Variants in PDE3A observed in about 807,000 individuals in gnomAD.
PDE3A encodes the protein cGMP-inhibited 3',5'-cyclic phosphodiesterase 3A.
In PDE3A, 43 loss-of-function variants were observed where a neutral mutation model predicts 98.3. That is an observed-to-expected ratio of 0.44 (90% confidence interval 0.34 to 0.56). The LOEUF (loss-of-function observed/expected upper bound fraction) is 0.56, where lower values mean the gene tolerates loss of function less well. Among genes scored for constraint, PDE3A ranks in the 20% least tolerant of loss-of-function variants. PDE3A has a pLI of 0.01. For synonymous variants in PDE3A, 663 were observed against 567.9 expected, an observed-to-expected ratio of 1.17 and a Z score of -2.38; for missense variants, 1,427 against 1,440.7, an observed-to-expected ratio of 0.99 and a Z score of 0.15.
intron 2 of PDE3A, among the ~76,000 whole-genome samples, chr12:20,558,540 A>G (rs1351456911): frequency 6.6e-6 from 1 of 151,896 alleles, no homozygotes; most frequent in East Asian, 1.9e-4. Flanking sequence ...AAAGTAAAAA[A>G]CAAACACAAC....
intron 3 of PDE3A, among the ~76,000 whole-genome samples, chr12:20,615,266 A>T (rs1395099827): frequency 1.3e-5 from 2 of 151,340 alleles, no homozygotes; most frequent in Non-Finnish European, 2.9e-5. Flanking sequence ...GTGATCCCAG[A>T]CTCTTGTCTC....
chr12:20,492,676 T>C (rs1470151467), intron 1 of PDE3A, among the ~76,000 whole-genome samples: 1 of 152,054 alleles, frequency 6.6e-6, no homozygotes, highest in African/African-American at 2.4e-5. Flanking sequence ...GCAGCCACTA[T>C]TGGATTACGC....
At chr12:20,512,994 T>C (rs932337881) in intron 1 of PDE3A, among the ~76,000 whole-genome samples, 8 of 152,168 alleles carry the variant, frequency 5.3e-5, no homozygotes, top group Non-Finnish European at 1.0e-4. Flanking sequence ...ATGTATTTTG[T>C]TCTTTTTGCA....
chr12:20,659,985 G>A (rs1381024582), intron 15 of PDE3A, among the ~76,000 whole-genome samples: 4 of 152,134 alleles, frequency 2.6e-5, no homozygotes, highest in Non-Finnish European at 5.9e-5. Flanking sequence ...AGGTGATATG[G>A]TTTGGCTGTG....
intron 15 of PDE3A, among the ~76,000 whole-genome samples, chr12:20,666,169 T>C (rs1219225766): frequency 6.6e-6 from 1 of 152,004 alleles, no homozygotes; most frequent in Non-Finnish European, 1.5e-5. Context: ...TTCACCATGT[T>C]GGCCAGGCTG....
intron 2 of PDE3A, among the ~76,000 whole-genome samples, chr12:20,585,274 C>A (rs1252451724): frequency 6.6e-6 from 1 of 152,158 alleles, no homozygotes; most frequent in African/African-American, 2.4e-5. Context: ...TGTTAGAGAT[C>A]CAGATGAAGT....
chr12:20,535,492 T>A (rs1156764650), intron 1 of PDE3A, among the ~76,000 whole-genome samples: 1 of 152,226 alleles, frequency 6.6e-6, no homozygotes, highest in South Asian at 2.1e-4. Flanking sequence ...AAGCACTCTA[T>A]GTGTCCCAGT....
At chr12:20,527,556 G>A (rs574920724) in intron 1 of PDE3A, among the ~76,000 whole-genome samples, 4 of 151,986 alleles carry the variant, frequency 2.6e-5, no homozygotes, top group African/African-American at 9.7e-5. Context: ...GCATCTTTCC[G>A]CTGTCTGTTT....
At chr12:20,525,639 A>G (rs1946505610) in intron 1 of PDE3A, among the ~76,000 whole-genome samples, 1 of 152,114 alleles carries the variant, frequency 6.6e-6, no homozygotes, top group African/African-American at 2.4e-5. Flanking sequence ...ATTTACTCTT[A>G]ATAGGATTTT....
At chr12:20,377,139 CT>C (rs1652418545) in intron 1 of PDE3A, among the ~76,000 whole-genome samples, 1 of 151,696 alleles carries the variant, frequency 6.6e-6, no homozygotes, top group Non-Finnish European at 1.5e-5. Context: ...TGATTTTCCC[CT>C]GGCAGAAAAT....
intron 4 of PDE3A, among the ~76,000 whole-genome samples, chr12:20,620,063 G>C (rs1042220220): frequency 6.6e-6 from 1 of 151,970 alleles, no homozygotes; most frequent in African/African-American, 2.4e-5. Flanking sequence ...TTCTGGTTTG[G>C]ATTTAGCATG....
At chr12:20,633,379 G>C (rs1366592645) in intron 6 of PDE3A, among the ~76,000 whole-genome samples, 1 of 152,108 alleles carries the variant, frequency 6.6e-6, no homozygotes, top group African/African-American at 2.4e-5. Context: ...GCCTATACCA[G>C]TATTCTCTAA....
chr12:20,637,172 T>TG lies in PDE3A; in HGVS notation c.2076dup (p.Asn693GlufsTer6), dbSNP rs1261376502. 1 of 1,609,888 alleles carries TG rather than the reference T, an allele frequency of 6.2e-7. No homozygotes were observed. The highest frequency in any genetic ancestry group is 2.2e-5 in the East Asian group (1 of 44,724). On this transcript the variant is annotated frameshift_variant, in exon 9 of 16. Coordinates refer to ENST00000359062, the MANE Select transcript of PDE3A (RefSeq NM_000921.5). LOFTEE classifies it high-confidence loss of function. ...CTCAATTATGGAGCAGCTAAATACTTGGAATTTTCCAATTTTTGATTTAGT... is the reference window on the plus strand; with the variant it reads ...CTCAATTATGGAGCAGCTAAATACTTGGGAATTTTCCAATTTTTGATTTAGT...
At chr12:20,425,685 T>A (rs1591918705) in intron 1 of PDE3A, among the ~76,000 whole-genome samples, 1 of 152,292 alleles carries the variant, frequency 6.6e-6, no homozygotes, top group Admixed American at 6.5e-5. Flanking sequence ...CTTAGCATAG[T>A]TCTATTTAAG....
rs1159994062 is a variant in PDE3A, at chr12:20,370,001, C to T, written c.717C>T (p.Tyr239=). ...LERFKVAWRP[Y]LAYLAGVLGI... is the part of the protein sequence containing the mutation. ...GGTTCAAGGTCGCCTGGAGACCTTA[C>T]CTGGCGTACCTGGCCGGCGTGCTGG... is the stretch of plus-strand genomic sequence containing the variant. The change falls in exon 1 of 16, where the codon TAC becomes TAT. Residue 239 remains tyrosine, a synonymous_variant. Transcript: ENST00000359062. 6.2e-7 allele frequency: 1 copy of T among 1,612,954 alleles called. No individual in the cohort carries two copies. The highest frequency in any genetic ancestry group is 8.5e-7 in the Non-Finnish European group (1 of 1,179,966).
chr12:20,495,196 C>T (rs1344718951), intron 1 of PDE3A, among the ~76,000 whole-genome samples: 1 of 151,852 alleles, frequency 6.6e-6, no homozygotes, highest in Non-Finnish European at 1.5e-5. Context: ...CTCTTCTTTC[C>T]TCTCCTGTTT....
At chr12:20,470,194 A>G (rs1353975568) in intron 1 of PDE3A, among the ~76,000 whole-genome samples, 1 of 151,546 alleles carries the variant, frequency 6.6e-6, no homozygotes, top group Non-Finnish European at 1.5e-5. Context: ...TTTTGTTTTT[A>G]GTATACCAGA....
At position 20,687,914 on chromosome 12, in the gene PDE3A, G is replaced by GAAAAAAAAAAAAAAAAAAAAAAAA. The variant is rs58496505; in HGVS notation, c.*7666_*7667insAAAAAAAAAAAAAAAAAAAAAAAA. On this transcript the variant is annotated 3_prime_UTR_variant, in exon 16 of 16. Coordinates refer to ENST00000359062, the MANE Select transcript of PDE3A (RefSeq NM_000921.5). ...GACCAGTCATTACCTCTTCCCAACA[G>GAAAAAAAAAAAAAAAAAAAAAAAA]AAAAAAAAAAAAAAAAAAAAAAACT... 7.4e-5 allele frequency among the ~76,000 whole-genome samples: 7 copies of GAAAAAAAAAAAAAAAAAAAAAAAA among 94,312 alleles called. No homozygotes were observed. Among genetic ancestry groups the GAAAAAAAAAAAAAAAAAAAAAAAA allele is most frequent in the African/African-American group, 3.0e-4 (7 of 23,402 alleles). The allele number at this position is 94,312 out of a possible 152,430, so 61.9% of individuals were successfully genotyped here. A position where few individuals can be genotyped will look rare whatever the true frequency, so the allele number is the denominator to read the frequency against.
At chr12:20,522,456 A>G (rs1382648897) in intron 1 of PDE3A, among the ~76,000 whole-genome samples, 1 of 152,198 alleles carries the variant, frequency 6.6e-6, no homozygotes. Context: ...TAATTAACTG[A>G]TGATTATTAA....
Sources: allele counts gnomAD v4.1 joint callset (sites outside exome capture counted in the v4.1 genomes callset), GRCh38; gene constraint gnomAD v4.1.1; transcripts MANE v1.5; gene names NCBI Gene and HGNC (gene_info 2026-07-23, HGNC 2026-07-21).